The following PCSK5 variants were observed in gnomAD, a reference collection of about 807,000 sequenced individuals.
PCSK5 encodes the protein proprotein convertase subtilisin/kexin type 5, also known as prohormone convertase 5.
PCSK5 carries 129 observed loss-of-function variants against 233.2 expected under a neutral mutation model. The ratio of observed to expected loss-of-function variants is 0.55; its 90% confidence interval spans 0.48 to 0.64. PCSK5 has a LOEUF of 0.64. Ranked by LOEUF, PCSK5 falls within the 30% of genes least tolerant of loss-of-function variation. PCSK5 has a pLI of 0.00. For synonymous variants in PCSK5, 825 were observed against 879.2 expected, an observed-to-expected ratio of 0.94 and a Z score of 1.09; for missense variants, 2,076 against 2,430.1, an observed-to-expected ratio of 0.85 and a Z score of 3.06.
intron 6 of PCSK5, 136 bp downstream of exon 6, chr9:76,068,179 C>G: frequency 1.7e-6 from 1 of 592,856 alleles, no homozygotes; most frequent in Non-Finnish European, 3.1e-6. Flanking sequence ...TATTGCTGGC[C>G]CCAACATGAC....
At chr9:76,117,736 C>T (rs897067955) in intron 9 of PCSK5, among the ~76,000 whole-genome samples, 1 of 152,116 alleles carries the variant, frequency 6.6e-6, no homozygotes, top group Non-Finnish European at 1.5e-5. Flanking sequence ...ACAGATTAAA[C>T]TTGTTCATCT....
intron 37 of PCSK5, among the ~76,000 whole-genome samples, chr9:76,356,415 C>G (rs1266931207): frequency 1.3e-5 from 2 of 152,204 alleles, no homozygotes; most frequent in Non-Finnish European, 2.9e-5. Flanking sequence ...CTCTGCAGAC[C>G]TGGGATGGAG....
chr9:76,104,242 T>G (rs1427964223), intron 8 of PCSK5, among the ~76,000 whole-genome samples: 2 of 152,206 alleles, frequency 1.3e-5, no homozygotes, highest in African/African-American at 2.4e-5. Flanking sequence ...TATTGCCACC[T>G]CTGATAGTAA....
At chr9:76,039,495 A>C (rs568519980) in intron 5 of PCSK5, among the ~76,000 whole-genome samples, 11 of 152,312 alleles carry the variant, frequency 7.2e-5, no homozygotes, top group African/African-American at 2.6e-4. Flanking sequence ...ATTTGGAGGG[A>C]AACAGAAAAA....
At chr9:76,037,505 T>C (rs1404618424) in intron 5 of PCSK5, among the ~76,000 whole-genome samples, 1 of 152,208 alleles carries the variant, frequency 6.6e-6, no homozygotes, top group Non-Finnish European at 1.5e-5. Flanking sequence ...GGTTTTAGTC[T>C]AATTCTCAGA....
intron 30 of PCSK5, among the ~76,000 whole-genome samples, chr9:76,319,910 C>T (rs1423518508): frequency 6.6e-6 from 1 of 152,158 alleles, no homozygotes; most frequent in African/African-American, 2.4e-5. Context: ...CGCTGACGTA[C>T]ACTGCCTTCT....
chr9:76,188,741 C>T, intron 18 of PCSK5, 66 bp downstream of exon 18: 2 of 1,165,314 alleles, frequency 1.7e-6, no homozygotes, highest in Non-Finnish European at 2.6e-6. Flanking sequence ...TGGTTTGGGC[C>T]ATCACTCATG....
At chr9:76,315,829 G>A (rs997417787) in intron 30 of PCSK5, among the ~76,000 whole-genome samples, 3 of 149,884 alleles carry the variant, frequency 2.0e-5, no homozygotes, top group Admixed American at 1.3e-4. Flanking sequence ...ACAGCATTTC[G>A]CCATGTTGGC....
intron 7 of PCSK5, among the ~76,000 whole-genome samples, chr9:76,094,331 G>C (rs760922047): frequency 1.2e-4 from 18 of 152,116 alleles, no homozygotes; most frequent in Non-Finnish European, 2.1e-4. Flanking sequence ...ATTAGGGCCT[G>C]GAAGGAAGAA....
intron 5 of PCSK5, among the ~76,000 whole-genome samples, chr9:76,038,926 C>A (rs1828979622): frequency 6.6e-6 from 1 of 152,252 alleles, no homozygotes; most frequent in East Asian, 1.9e-4. Context: ...GTTCAACCAA[C>A]CTTCCTGCAG....
intron 14 of PCSK5, among the ~76,000 whole-genome samples, chr9:76,176,101 G>A (rs1823604231): frequency 1.3e-5 from 2 of 151,080 alleles, no homozygotes; most frequent in African/African-American, 4.9e-5. Flanking sequence ...ATCCTTTAAT[G>A]TCTACTGAAT....
At chr9:76,124,693 C>T (rs888598006) in intron 9 of PCSK5, among the ~76,000 whole-genome samples, 6 of 144,824 alleles carry the variant, frequency 4.1e-5, no homozygotes, top group Non-Finnish European at 7.4e-5. Flanking sequence ...TTGCAGTGAG[C>T]CAAGATTCAT....
At chr9:76,193,221 C>T (rs747463046) in intron 20 of PCSK5, 1 of 1,611,192 alleles carries the variant, frequency 6.2e-7, no homozygotes, top group South Asian at 1.1e-5. Flanking sequence ...TTCTCTCTTG[C>T]TGACTTCTGG....
chr9:76,163,363 G>A (rs1822951967), intron 12 of PCSK5, among the ~76,000 whole-genome samples: 2 of 152,198 alleles, frequency 1.3e-5, no homozygotes, highest in African/African-American at 4.8e-5. Context: ...GCTGTTGGAG[G>A]AGGAACAGTT....
At position 76,327,650 on chromosome 9, in the gene PCSK5, G is replaced by A. The variant is rs139621189; in HGVS notation, c.4340-359G>A. On this transcript the variant is annotated intron_variant, in intron 32 of 37. Transcript: ENST00000674117. ...AGGTGAGTGGAGGACCATAACAGTA[G>A]GTGTTGTGACGGTGGAAAATTCGAT... 3.8e-3 allele frequency among the ~76,000 whole-genome samples: 575 copies of A among 152,222 alleles called. 7 individuals carry two copies. Among genetic ancestry groups the A allele is most frequent in the African/African-American group, 0.013 (550 of 41,548 alleles).
rs1307940967 is a variant in PCSK5 at position 76,322,897 on chromosome 9, G to A, written c.4103-155G>A. ...CCTTGTCCCAAGGCAGGGCTTGTTA[G>A]ACATCAAGTCTATGCCCTGGCAGGG... On this transcript the variant is annotated intron_variant, in intron 31 of 37. Transcript: ENST00000674117. Among the ~76,000 whole-genome samples, 14 of 152,332 alleles carry A rather than the reference G, an allele frequency of 9.2e-5. No homozygotes were observed. In the East Asian group the frequency reaches 2.7e-3, roughly 29 times the overall value.
At chr9:76,243,521 AT>A (rs1486380434) in intron 24 of PCSK5, among the ~76,000 whole-genome samples, 21 of 152,316 alleles carry the variant, frequency 1.4e-4, no homozygotes, top group African/African-American at 5.0e-4. Context: ...GGCCTCATTT[AT>A]TCTTGGATAG....
intron 5 of PCSK5, among the ~76,000 whole-genome samples, chr9:76,046,208 C>T (rs1829385315): frequency 8.7e-6 from 1 of 115,216 alleles, no homozygotes; most frequent in Non-Finnish European, 1.7e-5. Context: ...GACGGAGTCT[C>T]GCCCTCTCGC....
At chr9:75,905,147 G>A (rs1826205894) in intron 1 of PCSK5, among the ~76,000 whole-genome samples, 1 of 152,104 alleles carries the variant, frequency 6.6e-6, no homozygotes, top group Non-Finnish European at 1.5e-5. Context: ...AGGCTGGAAG[G>A]GTTGGTGGGA....
Sources: allele counts gnomAD v4.1 joint callset (sites outside exome capture counted in the v4.1 genomes callset), GRCh38; gene constraint gnomAD v4.1.1; transcripts MANE v1.5; gene names NCBI Gene and HGNC (gene_info 2026-07-23, HGNC 2026-07-21).